KHDRBS3: variants seen among roughly 807,000 people sequenced by gnomAD.
KHDRBS3 encodes KH domain-containing, RNA-binding, signal transduction-associated protein 3.
Under a neutral mutation model 45.6 loss-of-function variants are expected in KHDRBS3, and 23 were observed. That is an observed-to-expected ratio of 0.50 (90% CI 0.36 to 0.72). The LOEUF (loss-of-function observed/expected upper bound fraction) is 0.72, where lower values mean the gene tolerates loss of function less well. Ranked by LOEUF, KHDRBS3 falls within the 30% of genes least tolerant of loss-of-function variation. The pLI is 0.00. For synonymous variants in KHDRBS3, 162 were observed against 156.5 expected (o/e 1.04, Z -0.26); for missense variants, 352 against 424.8 (o/e 0.83, Z 1.51).
At chr8:135,489,218 A>G (rs978794274) in intron 1 of KHDRBS3, among the ~76,000 whole-genome samples, 2 of 152,110 alleles carry the variant, frequency 1.3e-5, no homozygotes, top group Admixed American at 1.3e-4. Context: ...GCTAGACTCT[A>G]AACCCCAAGA....
At chr8:135,459,224 T>G (rs1398495936) in intron 1 of KHDRBS3, among the ~76,000 whole-genome samples, 3 of 152,214 alleles carry the variant, frequency 2.0e-5, no homozygotes, top group Non-Finnish European at 4.4e-5. Flanking sequence ...TTTTGCCTGT[T>G]TCAACCAGTT....
At chr8:135,593,523 G>A (rs1165441103) in intron 6 of KHDRBS3, 1 of 152,342 alleles carries the variant, frequency 6.6e-6, no homozygotes, top group African/African-American at 2.4e-5. Context: ...TGTCACCCAG[G>A]CTGGAGTGCA....
At chr8:135,538,041 G>C (rs913543675) in intron 2 of KHDRBS3, among the ~76,000 whole-genome samples, 1 of 152,152 alleles carries the variant, frequency 6.6e-6, no homozygotes, top group Non-Finnish European at 1.5e-5. Context: ...CATGAGAACT[G>C]TAAGTTATAT....
At chr8:135,492,615 G>A (rs547636667) in intron 1 of KHDRBS3, among the ~76,000 whole-genome samples, 125 of 151,808 alleles carry the variant, frequency 8.2e-4, no homozygotes, top group Non-Finnish European at 1.4e-3. Context: ...CCATATGTGT[G>A]TGGATCTGAT....
At chr8:135,498,713 T>A (rs61419154) in intron 1 of KHDRBS3, among the ~76,000 whole-genome samples, 7,622 of 152,220 alleles carry the variant, frequency 0.05, 608 homozygotes, top group East Asian at 0.28. Flanking sequence ...TTCTTTTTTT[T>A]AAAAATATCA....
At chr8:135,626,001 C>T (rs540478705) in intron 7 of KHDRBS3, 16 of 705,870 alleles carry the variant, frequency 2.3e-5, no homozygotes, top group East Asian at 5.1e-5. Context: ...TTGGCGGAAC[C>T]GTGTCCACTG....
intron 5 of KHDRBS3, among the ~76,000 whole-genome samples, chr8:135,564,739 A>G (rs1040842610): frequency 6.6e-6 from 1 of 152,132 alleles, no homozygotes; most frequent in Non-Finnish European, 1.5e-5. Flanking sequence ...TGATATTTTC[A>G]TTTCAGATGC....
At chr8:135,474,932 A>C (rs981655698) in intron 1 of KHDRBS3, among the ~76,000 whole-genome samples, 1 of 152,308 alleles carries the variant, frequency 6.6e-6, no homozygotes. Flanking sequence ...TGAGCTTTCC[A>C]GCTCTGGAGG....
intron 7 of KHDRBS3, among the ~76,000 whole-genome samples, chr8:135,615,707 A>G (rs978648578): frequency 6.6e-6 from 1 of 152,216 alleles, no homozygotes; most frequent in Admixed American, 6.5e-5. Context: ...AGTGATGTCA[A>G]GTTTATTTAA....
chr8:135,536,993 A>AG (rs1563751869), intron 2 of KHDRBS3, among the ~76,000 whole-genome samples: 3 of 16,484 alleles, frequency 1.8e-4, no homozygotes, highest in East Asian at 9.8e-3. Flanking sequence ...AAAAAAAAAA[A>AG]AAAAGGAGAT....
At chr8:135,494,364 C>T (rs574814422) in intron 1 of KHDRBS3, among the ~76,000 whole-genome samples, 95 of 149,110 alleles carry the variant, frequency 6.4e-4, no homozygotes, top group Non-Finnish European at 1.1e-3. Flanking sequence ...CTGCAAGCTC[C>T]GCCTCCCGGG....
chr8:135,483,201 A>G (rs1418885073), intron 1 of KHDRBS3, among the ~76,000 whole-genome samples: 1 of 152,214 alleles, frequency 6.6e-6, no homozygotes, highest in Non-Finnish European at 1.5e-5. Context: ...ACTGGCTGAT[A>G]TTTGAAAGTT....
At position 135,647,331 on chromosome 8, in the gene KHDRBS3, T is replaced by C. The variant is rs1586860335; in HGVS notation, c.*247T>C. On this transcript the variant is annotated 3_prime_UTR_variant, in exon 9 of 9. Coordinates refer to ENST00000355849, the MANE Select transcript of KHDRBS3 (RefSeq NM_006558.3). ...GTCATCAAAAGGAAAAAAAATAACT[T>C]TGATTAACTAGTGTTAAACAAAAAA... 3 of 309,838 alleles carry C rather than the reference T, an allele frequency of 9.7e-6. No individual in the cohort carries two copies. The East Asian group carries it at 1.5e-4, about 16-fold the overall frequency. The allele number at this position is 309,838 out of a possible 1,614,324, so 19.2% of individuals were successfully genotyped here. A position where few individuals can be genotyped will look rare whatever the true frequency, so the allele number is the denominator to read the frequency against.
intron 1 of KHDRBS3, among the ~76,000 whole-genome samples, chr8:135,511,773 T>C (rs915874869): frequency 1.3e-5 from 2 of 152,228 alleles, no homozygotes; most frequent in African/African-American, 4.8e-5. Context: ...TTAGCCAGAA[T>C]GGTCTTGATC....
chr8:135,522,621 C>G (rs1304616918), intron 2 of KHDRBS3, among the ~76,000 whole-genome samples: 1 of 152,050 alleles, frequency 6.6e-6, no homozygotes, highest in Non-Finnish European at 1.5e-5. Context: ...TGGTATCTTC[C>G]TGTGGTATGA....
intron 1 of KHDRBS3, among the ~76,000 whole-genome samples, chr8:135,479,198 C>T (rs530707875): frequency 6.6e-6 from 1 of 152,258 alleles, no homozygotes; most frequent in East Asian, 1.9e-4. Context: ...CAACTATATG[C>T]TAATAAATTA....
chr8:135,580,767 C>T (rs1024405651), intron 5 of KHDRBS3, among the ~76,000 whole-genome samples: 10 of 152,164 alleles, frequency 6.6e-5, no homozygotes, highest in East Asian at 1.9e-4. Context: ...CACACACCAC[C>T]GTGCCCAGCT....
intron 7 of KHDRBS3, among the ~76,000 whole-genome samples, chr8:135,634,602 G>A (rs766038983): frequency 6.6e-6 from 1 of 152,184 alleles, no homozygotes; most frequent in African/African-American, 2.4e-5. Flanking sequence ...GATAAAACAT[G>A]CCAGTTAGGG....
chr8:135,585,337 A>G (rs1042738284), intron 6 of KHDRBS3, among the ~76,000 whole-genome samples: 1 of 152,188 alleles, frequency 6.6e-6, no homozygotes, highest in African/African-American at 2.4e-5. Flanking sequence ...TTGTAACACA[A>G]ATAAATGGTT....
Sources: allele counts gnomAD v4.1 joint callset (sites outside exome capture counted in the v4.1 genomes callset), GRCh38; gene constraint gnomAD v4.1.1; transcripts MANE v1.5; gene names NCBI Gene and HGNC (gene_info 2026-07-23, HGNC 2026-07-21).